Variants in BRINP3 observed in about 807,000 individuals in gnomAD.
BRINP3 encodes the protein BMP/retinoic acid-inducible neural-specific protein 3.
Under a neutral mutation model 71.0 loss-of-function variants are expected in BRINP3, and 19 were observed. The observed-to-expected ratio is 0.27, with a 90% CI of 0.19 to 0.39. The LOEUF is 0.39. BRINP3 is among the 10% of genes least tolerant of loss of function. The pLI is 1.00. For synonymous variants in BRINP3, 380 were observed against 337.7 expected, an observed-to-expected ratio of 1.13 and a Z score of -1.37; for missense variants, 959 against 940.8, an observed-to-expected ratio of 1.02 and a Z score of -0.25.
At chr1:190,353,359 TG>T (rs1668524777) in intron 2 of BRINP3, among the ~76,000 whole-genome samples, 1 of 152,024 alleles carries the variant, frequency 6.6e-6, no homozygotes, top group African/African-American at 2.4e-5. Flanking sequence ...AATGCCACTT[TG>T]ATTAGTGACT....
chr1:190,469,017 G>C lies in BRINP3; in HGVS notation c.-51+8431C>G, dbSNP rs369286395. The stretch of plus-strand genomic sequence containing the variant: ...TACCTGCTGAAACTTTGAATAAGTA[G>C]AAATGAGTATCTTATACATCTGATA... On this transcript the variant is annotated intron_variant, in intron 1 of 7. Transcript: ENST00000367462. Among the ~76,000 whole-genome samples, 63 of 150,966 alleles carry C rather than the reference G, an allele frequency of 4.2e-4. 1 individual carries two copies. Among genetic ancestry groups the C allele is most frequent in the African/African-American group, 1.5e-3 (63 of 41,418 alleles).
chr1:190,364,976 G>T (rs1475025208), intron 2 of BRINP3, among the ~76,000 whole-genome samples: 1 of 152,010 alleles, frequency 6.6e-6, no homozygotes, highest in Admixed American at 6.6e-5. Context: ...ATCAAATTTG[G>T]CCTGGAATCA....
chr1:190,326,693 T>C (rs146076798), intron 2 of BRINP3, among the ~76,000 whole-genome samples: 1,909 of 152,228 alleles, frequency 0.013, 24 homozygotes, highest in South Asian at 0.047. Context: ...TTTCATATCC[T>C]GTCAAACTAA....
At position 190,281,717 on chromosome 1, in the gene BRINP3, T is replaced by C. The variant is rs1428409212; in HGVS notation, c.270A>G (p.Ala90=). 4.3e-6 allele frequency: 7 copies of C among 1,612,178 alleles called. No homozygotes were observed. The East Asian group carries it at 6.7e-5, about 15-fold the overall frequency. Residue 90 remains alanine, a synonymous_variant, in exon 3 of 8, where the codon GCA becomes GCG. Transcript: ENST00000367462. ...AGCCAAGGAAATTTCTTCTCTCAAC[T>C]GCAAGGTTATTTACTTTCCAGCGGC... is the stretch of plus-strand genomic sequence containing the variant. ...EFGRWKVNNL[A]VERRNFLGSP...
chr1:190,313,539 A>G (rs1475008852), intron 2 of BRINP3, among the ~76,000 whole-genome samples: 3 of 152,008 alleles, frequency 2.0e-5, no homozygotes, highest in Non-Finnish European at 2.9e-5. Context: ...AACAATAATC[A>G]CATGTAATGT....
At chr1:190,259,135 C>T (rs1224578512) in intron 4 of BRINP3, among the ~76,000 whole-genome samples, 3 of 151,554 alleles carry the variant, frequency 2.0e-5, no homozygotes, top group African/African-American at 4.9e-5. Flanking sequence ...GAATATTTCC[C>T]GATTCCTTTT....
chr1:190,444,422 C>G (rs1675064710), intron 2 of BRINP3, among the ~76,000 whole-genome samples: 1 of 151,642 alleles, frequency 6.6e-6, no homozygotes, highest in Non-Finnish European at 1.5e-5. Flanking sequence ...TTTCTTCATA[C>G]CAATAATCAG....
intron 6 of BRINP3, among the ~76,000 whole-genome samples, chr1:190,164,539 T>C (rs918237884): frequency 6.6e-6 from 1 of 152,122 alleles, no homozygotes; most frequent in African/African-American, 2.4e-5. Context: ...AGCACAATAC[T>C]ACAGAATTAT....
At chr1:190,446,378 A>G (rs1675220244) in intron 2 of BRINP3, among the ~76,000 whole-genome samples, 1 of 152,032 alleles carries the variant, frequency 6.6e-6, no homozygotes, top group African/African-American at 2.4e-5. Flanking sequence ...TTTATAGTAA[A>G]CCAACCAACT....
chr1:190,212,207 A>C (rs959665424), intron 6 of BRINP3, among the ~76,000 whole-genome samples: 1 of 152,122 alleles, frequency 6.6e-6, no homozygotes, highest in Admixed American at 6.6e-5. Flanking sequence ...GAAGGCAATT[A>C]TATGACTGTT....
intron 2 of BRINP3, among the ~76,000 whole-genome samples, chr1:190,443,400 G>A (rs1363121311): frequency 4.4e-4 from 64 of 143,890 alleles, no homozygotes; most frequent in African/African-American, 1.6e-3. Context: ...GCAAGACTCC[G>A]TCTCAAAAAA....
chr1:190,175,008 G>A (rs1187588781), intron 6 of BRINP3, among the ~76,000 whole-genome samples: 3 of 152,068 alleles, frequency 2.0e-5, no homozygotes, highest in Non-Finnish European at 4.4e-5. Context: ...GAAGAACCCT[G>A]AGAGCCAGTC....
intron 6 of BRINP3, among the ~76,000 whole-genome samples, chr1:190,213,627 T>C (rs1656170050): frequency 6.6e-6 from 1 of 151,948 alleles, no homozygotes; most frequent in Non-Finnish European, 1.5e-5. Context: ...TCATGCCCCT[T>C]GCCATGATCA....
chr1:190,435,408 A>ATT (rs3079091), intron 2 of BRINP3, among the ~76,000 whole-genome samples: 229 of 148,584 alleles, frequency 1.5e-3, no homozygotes, highest in African/African-American at 5.1e-3. Flanking sequence ...TCCAGAACTC[A>ATT]TTTTTTTTTT....
At chr1:190,374,170 A>G (rs1327180434) in intron 2 of BRINP3, among the ~76,000 whole-genome samples, 1 of 152,120 alleles carries the variant, frequency 6.6e-6, no homozygotes, top group African/African-American at 2.4e-5. Flanking sequence ...TGCACAAATT[A>G]TACTAGGAAC....
intron 2 of BRINP3, among the ~76,000 whole-genome samples, chr1:190,327,326 C>CAAAAAAAAAAAA (rs1227478693): frequency 2.3e-3 from 101 of 44,246 alleles, no homozygotes; most frequent in Middle Eastern, 0.021. Flanking sequence ...AAAAAAAGAA[C>CAAAAAAAAAAAA]AAAAAAAAAA....
chr1:190,457,573 T>C (rs1350796748), intron 1 of BRINP3, among the ~76,000 whole-genome samples: 1 of 152,182 alleles, frequency 6.6e-6, no homozygotes, highest in African/African-American at 2.4e-5. Flanking sequence ...AGAGGTCACC[T>C]CATCAGTCTA....
chr1:190,236,606 T>C lies in BRINP3; in HGVS notation c.619-2129A>G, dbSNP rs542482117. On this transcript the variant is annotated intron_variant, in intron 4 of 7. Coordinates refer to ENST00000367462, the MANE Select transcript of BRINP3 (RefSeq NM_199051.3). The stretch of plus-strand genomic sequence containing the variant: ...TTTATCATGGGCAAAGAATTACTTT[T>C]TCCTTAACACCCCAACAACTTTTAA... Among the ~76,000 whole-genome samples, 29 of 152,074 alleles carry C rather than the reference T, an allele frequency of 1.9e-4. No homozygotes were observed. The East Asian group carries it at 5.4e-3, about 28-fold the overall frequency.
At chr1:190,316,495 T>A (rs923047593) in intron 2 of BRINP3, among the ~76,000 whole-genome samples, 16 of 152,244 alleles carry the variant, frequency 1.1e-4, no homozygotes, top group African/African-American at 3.6e-4. Context: ...TATTTCAAAG[T>A]AGCAGTGGGA....
Sources: allele counts gnomAD v4.1 joint callset (sites outside exome capture counted in the v4.1 genomes callset), GRCh38; gene constraint gnomAD v4.1.1; transcripts MANE v1.5; gene names NCBI Gene and HGNC (gene_info 2026-07-23, HGNC 2026-07-21).